AGBL3: variants seen among roughly 807,000 people sequenced by gnomAD.
AGBL3 encodes AGBL carboxypeptidase 3.
AGBL3 carries 68 observed loss-of-function variants against 94.5 expected under a neutral mutation model. That is an observed-to-expected ratio of 0.72 (90% CI 0.59 to 0.88). The LOEUF is 0.88. AGBL3 is among the 40% of genes least tolerant of loss of function. The pLI is 0.00. For synonymous variants in AGBL3, 354 were observed against 370.7 expected (o/e 0.95, Z 0.52); for missense variants, 934 against 1,103.8 (o/e 0.85, Z 2.18).
chr7:135,020,516 C>T (rs1312039353), intron 5 of AGBL3, among the ~76,000 whole-genome samples: 2 of 152,152 alleles, frequency 1.3e-5, no homozygotes, highest in Non-Finnish European at 2.9e-5. Context: ...CCTCAGGGAT[C>T]TAGAACTAGA....
intron 2 of AGBL3, among the ~76,000 whole-genome samples, chr7:134,988,692 C>T (rs551081421): frequency 8.6e-5 from 13 of 151,716 alleles, no homozygotes; most frequent in East Asian, 1.9e-4. Flanking sequence ...AGCTGGAGTG[C>T]AATGGCGCGA....
chr7:134,987,400 T>C (rs1809606299), intron 1 of AGBL3, among the ~76,000 whole-genome samples: 1 of 152,204 alleles, frequency 6.6e-6, no homozygotes, highest in South Asian at 2.1e-4. Flanking sequence ...AAGAATAATA[T>C]AAATGAATAT....
At chr7:135,109,211 C>G (rs1004829177) in intron 15 of AGBL3, among the ~76,000 whole-genome samples, 1 of 152,146 alleles carries the variant, frequency 6.6e-6, no homozygotes, top group African/African-American at 2.4e-5. Context: ...GTTAAGAACC[C>G]TGGTTGGAGA....
At chr7:135,059,426 T>C (rs926134334) in intron 12 of AGBL3, among the ~76,000 whole-genome samples, 191 bp downstream of exon 12, 1 of 152,254 alleles carries the variant, frequency 6.6e-6, no homozygotes, top group Non-Finnish European at 1.5e-5. Flanking sequence ...CCTTGTTTTA[T>C]AGATGAGAAT....
At chr7:135,063,433 T>A (rs1410630763) in intron 12 of AGBL3, among the ~76,000 whole-genome samples, 1 of 152,142 alleles carries the variant, frequency 6.6e-6, no homozygotes, top group African/African-American at 2.4e-5. Flanking sequence ...TAACACTAGG[T>A]TGTGTATTTC....
intron 16 of AGBL3, among the ~76,000 whole-genome samples, chr7:135,130,091 G>T (rs1262976895): frequency 6.6e-6 from 1 of 152,138 alleles, no homozygotes; most frequent in Non-Finnish European, 1.5e-5. Context: ...AGTTCCCTCA[G>T]TACTACTCCT....
intron 12 of AGBL3, among the ~76,000 whole-genome samples, chr7:135,071,354 T>A (rs2116784425): frequency 6.6e-6 from 1 of 152,240 alleles, no homozygotes; most frequent in Non-Finnish European, 1.5e-5. Context: ...ATTTGTAGAT[T>A]CAATGCCATC....
chr7:135,133,382 T>C (rs1829064006), intron 16 of AGBL3, among the ~76,000 whole-genome samples: 1 of 152,228 alleles, frequency 6.6e-6, no homozygotes, highest in Non-Finnish European at 1.5e-5. Flanking sequence ...TTTAACACGA[T>C]GCCTATCAAA....
At chr7:134,990,972 G>A (rs1272569024) in intron 3 of AGBL3, among the ~76,000 whole-genome samples, 1 of 152,154 alleles carries the variant, frequency 6.6e-6, no homozygotes, top group Non-Finnish European at 1.5e-5. Context: ...TTAGGTTGAA[G>A]CAATAAGTTC....
rs1817121685 is a variant in AGBL3 at position 135,044,045 on chromosome 7, G to C, written c.1521G>C (p.Lys507Asn). The change falls in exon 9 of 17, where the codon AAG (lysine) becomes AAC (asparagine). Residue 507 changes from lysine to asparagine, a missense_variant. This residue lies in a region of AGBL3 where 441 missense variants were observed against 518.2 expected (regional missense o/e 0.85). Coordinates refer to ENST00000436302, the MANE Select transcript of AGBL3 (RefSeq NM_178563.4). The stretch of plus-strand genomic sequence containing the variant: ...TTCAGTTTTCATTCTCAGCTTGCAA[G>C]TTTAATGTCCAGAAGAGCAAAGAAG... ...CPDKFSFSAC[K>N]FNVQKSKEGT... 1.9e-6 allele frequency: 3 copies of C among 1,549,300 alleles called. No homozygotes were observed. The East Asian group carries it at 7.4e-5, about 38-fold the overall frequency.
intron 3 of AGBL3, 93 bp downstream of exon 3, chr7:134,989,403 T>C (rs1394803100): frequency 2.4e-6 from 2 of 829,766 alleles, no homozygotes; most frequent in African/African-American, 1.8e-5. Context: ...TTGAATAATA[T>C]AGGGAATGAT....
At chr7:135,043,481 A>G (rs1158363135) in intron 8 of AGBL3, among the ~76,000 whole-genome samples, 1 of 152,166 alleles carries the variant, frequency 6.6e-6, no homozygotes, top group Non-Finnish European at 1.5e-5. Flanking sequence ...AGAAGTGGAG[A>G]TGGTTAATGG....
Position 135,034,584 on chromosome 7 carries a change from G to A in AGBL3, c.993G>A (p.Thr331=), listed in dbSNP as rs777950759. 6.4e-6 allele frequency: 10 copies of A among 1,551,636 alleles called. No individual in the cohort carries two copies. The African/African-American group carries it at 6.8e-5, about 11-fold the overall frequency. ...GTAAAATACGTGTTTTGTGCCACAC[G>A]CTTGCTAGGAACATGGTGTATATTT... ...KFCKIRVLCH[T]LARNMVYILT... Residue 331 remains threonine (T), a synonymous_variant, in exon 7 of 17, where the codon ACG becomes ACA. Transcript: ENST00000436302.
chr7:135,117,335 C>T (rs1393908446), intron 16 of AGBL3, among the ~76,000 whole-genome samples: 2 of 150,034 alleles, frequency 1.3e-5, no homozygotes, highest in East Asian at 4.1e-4. Flanking sequence ...AGACCCTATT[C>T]ATTTTGGCTT....
intron 4 of AGBL3, among the ~76,000 whole-genome samples, chr7:135,008,711 G>A (rs1812723242): frequency 6.6e-6 from 1 of 151,612 alleles, no homozygotes; most frequent in South Asian, 2.1e-4. Flanking sequence ...AAAACCCACA[G>A]AACAAGAGAA....
Position 135,135,635 on chromosome 7 carries a change from C to A in AGBL3, c.*374C>A, listed in dbSNP as rs542646947. 1 of 159,214 alleles carries A rather than the reference C, an allele frequency of 6.3e-6. No homozygotes were observed. Among genetic ancestry groups the A allele is most frequent in the African/African-American group, 2.4e-5 (1 of 41,660 alleles). 9.9% of individuals were successfully genotyped at this position (159,214 alleles called of 1,614,324 possible). ...CACTGATTTTAACCTCCCTACTAGACACTTTAATCAATTAGTCAACAAACA... is the reference window on the plus strand; with the variant it reads ...CACTGATTTTAACCTCCCTACTAGAAACTTTAATCAATTAGTCAACAAACA... On this transcript the variant is annotated 3_prime_UTR_variant, in exon 17 of 17. Transcript: ENST00000436302.
At chr7:135,080,540 T>G (rs1051892406) in intron 14 of AGBL3, among the ~76,000 whole-genome samples, 5 of 152,146 alleles carry the variant, frequency 3.3e-5, no homozygotes, top group African/African-American at 1.2e-4. Context: ...GAGGTCCACG[T>G]ATTTCAGGGC....
At chr7:135,071,607 G>T (rs1819913774) in intron 12 of AGBL3, among the ~76,000 whole-genome samples, 5 of 152,034 alleles carry the variant, frequency 3.3e-5, no homozygotes, top group Admixed American at 2.6e-4. Context: ...AAATAGTGCA[G>T]CATAACTACA....
chr7:135,037,624 G>A, intron 8 of AGBL3, 44 bp downstream of exon 8: 1 of 1,453,798 alleles, frequency 6.9e-7, no homozygotes, highest in Non-Finnish European at 9.2e-7. Context: ...ATCAAATGTT[G>A]CCCATGTGAG....
Sources: gnomAD v4.1 joint callset for allele counts (sites outside exome capture counted in the v4.1 genomes callset) on GRCh38, gnomAD v4.1.1 for gene constraint, gnomAD v4.1.1 regional missense constraint, MANE v1.5 for transcripts, NCBI Gene and HGNC (gene_info 2026-07-23, HGNC 2026-07-21) for gene names.